Variants in ROBO1 observed in about 807,000 individuals in gnomAD.
ROBO1 encodes the protein roundabout homolog 1.
A neutral mutation model predicts 195.9 loss-of-function variants in ROBO1; 149 were observed. That is an observed-to-expected ratio of 0.76 (90% confidence interval 0.67 to 0.87). The LOEUF (loss-of-function observed/expected upper bound fraction) is 0.87. Among genes scored for constraint, ROBO1 ranks in the 40% least tolerant of loss-of-function variants. The pLI is 0.00. For synonymous variants in ROBO1, 816 were observed against 733.2 expected, an observed-to-expected ratio of 1.11 and a Z score of -1.82; for missense variants, 1,933 against 2,068.3, an observed-to-expected ratio of 0.93 and a Z score of 1.27.
At chr3:79,475,149 T>A (rs1014513392) in intron 2 of ROBO1, among the ~76,000 whole-genome samples, 7 of 151,640 alleles carry the variant, frequency 4.6e-5, no homozygotes, top group African/African-American at 1.7e-4. Context: ...TGCTTTTTTT[T>A]TAAAAAAAAA....
intron 2 of ROBO1, among the ~76,000 whole-genome samples, chr3:79,320,251 G>A (rs1176950182): frequency 1.3e-5 from 2 of 152,110 alleles, no homozygotes. Context: ...ACAGAGCTGT[G>A]GGGTCTCTAT....
At chr3:78,688,818 A>C (rs893514183) in intron 8 of ROBO1, 46 bp from the exon 9 acceptor site, 9 of 1,553,200 alleles carry the variant, frequency 5.8e-6, no homozygotes, top group Middle Eastern at 1.7e-4. Flanking sequence ...GCACGTTGTT[A>C]TTGTCCTAAT....
At chr3:79,084,224 G>A (rs990591678) in intron 3 of ROBO1, among the ~76,000 whole-genome samples, 6 of 152,004 alleles carry the variant, frequency 3.9e-5, no homozygotes, top group Non-Finnish European at 7.4e-5. Flanking sequence ...AATAAAGGCC[G>A]GCGGTGGCTC....
At chr3:78,900,931 G>GA (rs1387066730) in intron 4 of ROBO1, among the ~76,000 whole-genome samples, 2 of 152,092 alleles carry the variant, frequency 1.3e-5, no homozygotes, top group Non-Finnish European at 2.9e-5. Flanking sequence ...AATAGAAAAT[G>GA]AAATGCAACA....
At chr3:79,686,214 C>T (rs557261508) in intron 1 of ROBO1, among the ~76,000 whole-genome samples, 1 of 152,274 alleles carries the variant, frequency 6.6e-6, no homozygotes, top group South Asian at 2.1e-4. Context: ...ATTGATGGGA[C>T]ATATCTCAAA....
At chr3:79,749,697 G>A (rs1314544143) in intron 1 of ROBO1, among the ~76,000 whole-genome samples, 1 of 152,216 alleles carries the variant, frequency 6.6e-6, no homozygotes, top group African/African-American at 2.4e-5. Context: ...CCAAGCCTTA[G>A]CAGCTTCCAT....
intron 2 of ROBO1, among the ~76,000 whole-genome samples, chr3:79,567,309 T>C (rs1943121365): frequency 6.6e-6 from 1 of 152,094 alleles, no homozygotes; most frequent in African/African-American, 2.4e-5. Flanking sequence ...ACCTGGGTGA[T>C]GAAACAATCT....
chr3:79,030,022 T>G (rs917301669), intron 3 of ROBO1, among the ~76,000 whole-genome samples: 1 of 152,232 alleles, frequency 6.6e-6, no homozygotes, highest in Non-Finnish European at 1.5e-5. Flanking sequence ...ATACTAAGTT[T>G]TGAAAAACAC....
chr3:78,891,443 A>C (rs559073854), intron 4 of ROBO1, among the ~76,000 whole-genome samples: 1 of 152,160 alleles, frequency 6.6e-6, no homozygotes, highest in Non-Finnish European at 1.5e-5. Context: ...CTAAAGTAAA[A>C]AAGAATGATG....
chr3:79,663,158 G>A (rs1376866550), intron 1 of ROBO1, among the ~76,000 whole-genome samples: 1 of 151,972 alleles, frequency 6.6e-6, no homozygotes, highest in Non-Finnish European at 1.5e-5. Context: ...GTTTTAGATA[G>A]TTTTATTCAC....
At chr3:79,395,340 A>AAAAAAAAAAAAAAAAAAAAAAAAG (rs71631648) in intron 2 of ROBO1, among the ~76,000 whole-genome samples, 1 of 119,058 alleles carries the variant, frequency 8.4e-6, no homozygotes, top group Non-Finnish European at 1.7e-5. Flanking sequence ...AAAAAAAAAA[A>AAAAAAAAAAAAAAAAAAAAAAAAG]AAAGAAAGAA....
chr3:78,998,718 T>G (rs2077426147), intron 3 of ROBO1, among the ~76,000 whole-genome samples: 1 of 152,060 alleles, frequency 6.6e-6, no homozygotes, highest in Admixed American at 6.6e-5. Context: ...TGTTTATCCT[T>G]CCTCTTTGCT....
At chr3:79,199,827 T>C (rs1232695030) in intron 2 of ROBO1, among the ~76,000 whole-genome samples, 1 of 151,830 alleles carries the variant, frequency 6.6e-6, no homozygotes, top group African/African-American at 2.4e-5. Context: ...CTTGTTTTAC[T>C]TATATAAACT....
intron 3 of ROBO1, among the ~76,000 whole-genome samples, chr3:78,999,570 G>A (rs538925077): frequency 5.5e-4 from 83 of 152,172 alleles, no homozygotes; most frequent in South Asian, 1.2e-3. Flanking sequence ...AGGAGCAAGG[G>A]TAGAAGAACT....
chr3:79,157,099 G>T (rs979957781), intron 2 of ROBO1, among the ~76,000 whole-genome samples: 1 of 151,218 alleles, frequency 6.6e-6, no homozygotes, highest in Non-Finnish European at 1.5e-5. Context: ...GTTAGCCTGT[G>T]TTCTCTCTCT....
At chr3:79,713,480 G>T (rs1702356106) in intron 1 of ROBO1, among the ~76,000 whole-genome samples, 2 of 152,014 alleles carry the variant, frequency 1.3e-5, no homozygotes, top group African/African-American at 2.4e-5. Context: ...AACCTTCCTG[G>T]GTTACTTAGA....
At chr3:78,716,682 C>T (rs545932585) in intron 7 of ROBO1, among the ~76,000 whole-genome samples, 1 of 152,304 alleles carries the variant, frequency 6.6e-6, no homozygotes, top group South Asian at 2.1e-4. Context: ...ATCCCAACAC[C>T]TAGACAGAAG....
At chr3:79,253,061 A>G (rs997091716) in intron 2 of ROBO1, among the ~76,000 whole-genome samples, 1 of 152,156 alleles carries the variant, frequency 6.6e-6, no homozygotes, top group Non-Finnish European at 1.5e-5. Context: ...ACATCCACAC[A>G]TTTATATACT....
intron 2 of ROBO1, among the ~76,000 whole-genome samples, chr3:79,459,653 T>G (rs1305248200): frequency 8.5e-5 from 13 of 152,102 alleles, no homozygotes; most frequent in Non-Finnish European, 1.5e-5. Flanking sequence ...CAGTAAAATG[T>G]CTTTTCAGAC....
Sources: gnomAD v4.1 joint callset for allele counts (sites outside exome capture counted in the v4.1 genomes callset) on GRCh38, gnomAD v4.1.1 for gene constraint, MANE v1.5 for transcripts, NCBI Gene and HGNC (gene_info 2026-07-23, HGNC 2026-07-21) for gene names.